Variants in ZBTB20 observed in about 807,000 individuals in gnomAD.
ZBTB20 encodes zinc finger and BTB domain-containing protein 20.
Under a neutral mutation model 56.9 loss-of-function variants are expected in ZBTB20, and 9 were observed. The observed-to-expected ratio is 0.16, with a 90% CI of 0.10 to 0.28. The LOEUF is 0.28. ZBTB20 is among the 10% of genes least tolerant of loss of function. ZBTB20 has a pLI of 1.00. For missense variants in ZBTB20, 655 were observed against 1,003.0 expected, an observed-to-expected ratio of 0.65 and a Z score of 4.69; for synonymous variants, 417 against 420.7, an observed-to-expected ratio of 0.99 and a Z score of 0.11.
At chr3:114,771,082 G>A (rs747325377) in intron 5 of ZBTB20, among the ~76,000 whole-genome samples, 8 of 152,142 alleles carry the variant, frequency 5.3e-5, no homozygotes, top group African/African-American at 1.2e-4. Context: ...CTTCTGTTAC[G>A]CAATTGCATA....
intron 3 of ZBTB20, among the ~76,000 whole-genome samples, chr3:114,963,184 T>C (rs1025947401): frequency 3.9e-5 from 6 of 152,144 alleles, no homozygotes; most frequent in Non-Finnish European, 8.8e-5. Context: ...TAGTAATTAA[T>C]GTCCCAATCT....
At chr3:114,394,391 T>C (rs547713373) in intron 7 of ZBTB20, among the ~76,000 whole-genome samples, 2 of 152,276 alleles carry the variant, frequency 1.3e-5, no homozygotes, top group Admixed American at 1.3e-4. Context: ...GACACATTTC[T>C]AGTTCCCGCT....
At chr3:114,588,217 C>T (rs1463878862) in intron 6 of ZBTB20, among the ~76,000 whole-genome samples, 1 of 152,202 alleles carries the variant, frequency 6.6e-6, no homozygotes, top group Non-Finnish European at 1.5e-5. Flanking sequence ...TCAAACTTTG[C>T]ACAGAATGTA....
At chr3:114,394,625 G>A (rs577832362) in intron 7 of ZBTB20, among the ~76,000 whole-genome samples, 3 of 152,264 alleles carry the variant, frequency 2.0e-5, no homozygotes, top group Admixed American at 2.0e-4. Flanking sequence ...CATGTCTGGG[G>A]TGGAGCTTGT....
At chr3:114,918,186 AT>A (rs1400774153) in intron 3 of ZBTB20, among the ~76,000 whole-genome samples, 1 of 152,070 alleles carries the variant, frequency 6.6e-6, no homozygotes, top group Non-Finnish European at 1.5e-5. Flanking sequence ...GTCAATGTTC[AT>A]TCAAGACCCA....
chr3:115,002,974 A>T (rs926864495), intron 2 of ZBTB20, among the ~76,000 whole-genome samples: 2 of 151,688 alleles, frequency 1.3e-5, no homozygotes, highest in Admixed American at 1.3e-4. Flanking sequence ...ATTATTCAGC[A>T]CTAAAGAGAA....
chr3:114,781,788 G>A (rs2070117285), intron 5 of ZBTB20, among the ~76,000 whole-genome samples: 1 of 152,180 alleles, frequency 6.6e-6, no homozygotes, highest in Non-Finnish European at 1.5e-5. Context: ...TCTCGTGGTA[G>A]TGAATAAGTC....
chr3:115,073,190 C>G (rs1358040175), intron 1 of ZBTB20, among the ~76,000 whole-genome samples: 2 of 152,144 alleles, frequency 1.3e-5, no homozygotes, highest in Admixed American at 6.5e-5. Context: ...CAGGTTAGAA[C>G]ACAGTTTAAG....
At chr3:114,695,843 T>C (rs1420444436) in intron 5 of ZBTB20, among the ~76,000 whole-genome samples, 1 of 152,012 alleles carries the variant, frequency 6.6e-6, no homozygotes, top group Non-Finnish European at 1.5e-5. Flanking sequence ...TCAACTATAA[T>C]ACATGTAGAG....
intron 1 of ZBTB20, among the ~76,000 whole-genome samples, chr3:115,074,474 C>T (rs1269986941): frequency 6.6e-6 from 1 of 152,132 alleles, no homozygotes; most frequent in East Asian, 1.9e-4. Context: ...TAACTAACTA[C>T]ACTGTGCTAC....
chr3:114,565,953 T>C (rs1302747520), intron 6 of ZBTB20, among the ~76,000 whole-genome samples: 17 of 152,094 alleles, frequency 1.1e-4, no homozygotes, highest in Non-Finnish European at 1.9e-4. Context: ...TTTTTCCTGC[T>C]TCACTCTTTC....
chr3:114,924,513 G>A (rs144497436), intron 3 of ZBTB20, among the ~76,000 whole-genome samples: 1 of 152,288 alleles, frequency 6.6e-6, no homozygotes, highest in East Asian at 1.9e-4. Flanking sequence ...ATAAAAAGGT[G>A]AATCTCATTG....
At chr3:114,406,191 A>C (rs1163789038) in intron 7 of ZBTB20, among the ~76,000 whole-genome samples, 1 of 152,204 alleles carries the variant, frequency 6.6e-6, no homozygotes, top group Non-Finnish European at 1.5e-5. Flanking sequence ...ATGAACTTTT[A>C]TCCGACTGAA....
intron 6 of ZBTB20, among the ~76,000 whole-genome samples, chr3:114,530,304 T>A (rs974857891): frequency 5.3e-5 from 8 of 152,220 alleles, no homozygotes; most frequent in Admixed American, 5.2e-4. Context: ...ACCTTTTCAA[T>A]GTTTAGATAT....
intron 2 of ZBTB20, among the ~76,000 whole-genome samples, chr3:115,012,701 G>A (rs1476895895): frequency 6.6e-6 from 1 of 151,716 alleles, no homozygotes; most frequent in Non-Finnish European, 1.5e-5. Flanking sequence ...TTTAATCTGT[G>A]CTATAGACCA....
chr3:114,609,172 G>A (rs1021693201), intron 6 of ZBTB20, among the ~76,000 whole-genome samples: 10 of 152,158 alleles, frequency 6.6e-5, no homozygotes, highest in African/African-American at 2.4e-4. Context: ...TCACTTCTGG[G>A]TGTCTTTCAG....
At chr3:114,901,503 A>G (rs1351937563) in intron 3 of ZBTB20, among the ~76,000 whole-genome samples, 1 of 152,194 alleles carries the variant, frequency 6.6e-6, no homozygotes, top group Admixed American at 6.6e-5. Context: ...CTATGTATCA[A>G]GAACCCAAAG....
chr3:115,114,695 A>T (rs910686082), intron 1 of ZBTB20, among the ~76,000 whole-genome samples: 2 of 152,116 alleles, frequency 1.3e-5, no homozygotes, highest in Non-Finnish European at 2.9e-5. Context: ...CAAGAAAATC[A>T]CATTGTAATG....
intron 6 of ZBTB20, among the ~76,000 whole-genome samples, chr3:114,561,048 A>G (rs1305178301): frequency 6.6e-6 from 1 of 152,234 alleles, no homozygotes; most frequent in East Asian, 1.9e-4. Flanking sequence ...CAAGAAACTC[A>G]CTGCTTTGCT....
Sources: allele counts gnomAD v4.1 joint callset (sites outside exome capture counted in the v4.1 genomes callset), GRCh38; gene constraint gnomAD v4.1.1; transcripts MANE v1.5; gene names NCBI Gene and HGNC (gene_info 2026-07-23, HGNC 2026-07-21).